Variants in DCP1A observed in about 807,000 individuals in gnomAD.
The protein encoded by DCP1A is mRNA-decapping enzyme 1A.
In DCP1A, 20 loss-of-function variants were observed where a neutral mutation model predicts 58.0. The observed-to-expected ratio is 0.34, with a 90% CI of 0.24 to 0.50. DCP1A has a LOEUF of 0.50. Ranked by LOEUF, DCP1A falls within the 20% of genes least tolerant of loss-of-function variation. DCP1A has a pLI of 0.98. For synonymous variants in DCP1A, 285 were observed against 275.1 expected (o/e 1.04, Z -0.36); for missense variants, 613 against 712.2 (o/e 0.86, Z 1.59).
intron 6 of DCP1A, among the ~76,000 whole-genome samples, chr3:53,301,305 CTT>C (rs1203567200): frequency 2.0e-5 from 3 of 151,280 alleles, no homozygotes; most frequent in African/African-American, 4.9e-5. Flanking sequence ...GGGTTTTGCT[CTT>C]GTTGCCCAGG....
At chr3:53,313,567 T>A (rs1273648297) in intron 4 of DCP1A, among the ~76,000 whole-genome samples, 4 of 152,188 alleles carry the variant, frequency 2.6e-5, no homozygotes, top group Non-Finnish European at 5.9e-5. Context: ...ATTTCCTATA[T>A]TTTTCTTCAA....
intron 5 of DCP1A, among the ~76,000 whole-genome samples, chr3:53,305,425 C>A (rs533326084): frequency 1.3e-5 from 2 of 151,782 alleles, no homozygotes; most frequent in Non-Finnish European, 2.9e-5. Flanking sequence ...TCTCAGCTTA[C>A]TGTGCTCTCT....
At chr3:53,330,496 T>C (rs2088968450) in intron 3 of DCP1A, among the ~76,000 whole-genome samples, 1 of 150,774 alleles carries the variant, frequency 6.6e-6, no homozygotes, top group Non-Finnish European at 1.5e-5. Flanking sequence ...CACTATAGCC[T>C]GGGCAACAGA....
intron 3 of DCP1A, among the ~76,000 whole-genome samples, chr3:53,320,126 TAAA>T (rs879969801): frequency 2.2e-5 from 3 of 139,044 alleles, no homozygotes; most frequent in African/African-American, 2.6e-5. Context: ...AGACTCCATC[TAAA>T]AAAAAAAAAA....
rs782380035 is a variant in DCP1A, at chr3:53,292,225, T to C, written c.1227A>G (p.Thr409=). 1 of 1,614,006 alleles carries C rather than the reference T, an allele frequency of 6.2e-7. No homozygotes were observed. Among genetic ancestry groups the C allele is most frequent in the African/African-American group, 1.3e-5 (1 of 75,032 alleles). The change falls in exon 7 of 10, where the codon ACA becomes ACG. Residue 409 remains threonine (T), a synonymous_variant. Coordinates refer to ENST00000610213, the MANE Select transcript of DCP1A (RefSeq NM_018403.7). ...CCATTGCACCTTTCCCAAGTGGTTG[T>C]GTCTGTATTTGGTCATGCTGTGGGG... ...RLTPQHDQIQ[T]QPLGKGAMVA...
rs1049509358 is a variant in DCP1A, at chr3:53,292,602, C to A, written c.850G>T (p.Val284Phe). ...ACCGGGGTGGTGATTTCAGGCTGGA[C>A]TGAATGGTGGGCAGCAGAAGGGACA... ...LGVPSAAHHS[V>F]QPEITTPVLI... Residue 284 changes from valine (V) to phenylalanine (F), a missense_variant, in exon 7 of 10, where the codon GTC (valine) becomes TTC (phenylalanine). Val to Phe is a conservative substitution (Grantham distance 50, BLOSUM62 -1). Coordinates refer to ENST00000610213, the MANE Select transcript of DCP1A (RefSeq NM_018403.7). 1.9e-6 allele frequency: 3 copies of A among 1,613,802 alleles called. No individual in the cohort carries two copies. Among genetic ancestry groups the A allele is most frequent in the African/African-American group, 1.3e-5 (1 of 75,010 alleles).
intron 3 of DCP1A, among the ~76,000 whole-genome samples, chr3:53,326,936 T>C (rs1708121429): frequency 6.6e-6 from 1 of 151,474 alleles, no homozygotes; most frequent in Non-Finnish European, 1.5e-5. Context: ...GGAATGCTGG[T>C]GTAAATGATT....
chr3:53,311,128 T>C (rs11920772), intron 5 of DCP1A, among the ~76,000 whole-genome samples: 6,638 of 152,270 alleles, frequency 0.044, 481 homozygotes, highest in African/African-American at 0.15. Flanking sequence ...TTTTGCCAAT[T>C]TGAAGCTTTT....
rs960536232 is a variant in DCP1A, at chr3:53,285,823, C to T, written c.*1757G>A. ...ACACCATCTCCCGGTGTCAGCAACA[C>T]TCTGTATCCCACTATAGCTTTCTCG... On this transcript the variant is annotated 3_prime_UTR_variant, in exon 10 of 10. Coordinates refer to ENST00000610213, the MANE Select transcript of DCP1A (RefSeq NM_018403.7). The T allele has an allele frequency of 2.0e-5, 3 of 152,172 alleles. No individual in the cohort carries two copies. In the South Asian group the frequency reaches 6.2e-4, roughly 32 times the overall value. 9.4% of individuals were successfully genotyped at this position (152,172 alleles called of 1,614,324 possible).
intron 3 of DCP1A, among the ~76,000 whole-genome samples, chr3:53,340,952 T>G (rs2089192891): frequency 6.6e-6 from 1 of 152,294 alleles, no homozygotes; most frequent in East Asian, 1.9e-4. Flanking sequence ...GAGTCTCAGT[T>G]GACTTAACTG....
At chr3:53,327,912 C>A (rs1317418098) in intron 3 of DCP1A, among the ~76,000 whole-genome samples, 2 of 151,694 alleles carry the variant, frequency 1.3e-5, no homozygotes, top group African/African-American at 2.4e-5. Context: ...CACCTGAAGT[C>A]AGGAGTTCAA....
At chr3:53,288,518 C>T (rs868967055) in intron 8 of DCP1A, among the ~76,000 whole-genome samples, 7 of 152,140 alleles carry the variant, frequency 4.6e-5, no homozygotes, top group Admixed American at 1.3e-4. Flanking sequence ...AGAATCATTA[C>T]GGGAAGCCAA....
chr3:53,312,749 C>G (rs1459450589), intron 4 of DCP1A, among the ~76,000 whole-genome samples: 1 of 152,102 alleles, frequency 6.6e-6, no homozygotes, highest in Non-Finnish European at 1.5e-5. Flanking sequence ...CCTAGGCCTC[C>G]CCAAGTGCTG....
intron 2 of DCP1A, 76 bp downstream of exon 2, chr3:53,344,826 T>G (rs781789343): frequency 8.8e-7 from 1 of 1,131,780 alleles, no homozygotes; most frequent in South Asian, 1.3e-5. Flanking sequence ...AAGACAAATG[T>G]ACAAGAGAAT....
At position 53,342,327 on chromosome 3, in the gene DCP1A, G is replaced by A. The variant is rs2089220703; in HGVS notation, c.177-56C>T. The A allele has an allele frequency of 8.0e-6, 10 of 1,255,392 alleles. No homozygotes were observed. In the South Asian group the frequency reaches 9.3e-5, roughly 12 times the overall value. The allele number at this position is 1,255,392 out of a possible 1,614,324, so 77.8% of individuals were successfully genotyped here. On this transcript the variant is annotated intron_variant, in intron 2 of 9. Coordinates refer to ENST00000610213, the MANE Select transcript of DCP1A (RefSeq NM_018403.7). Reference sequence around the variant, plus strand: ...TAGTTACCATTTAATCTGTAGAAATGTTATCTACTATGTACTTTATTTTCA... The same window carrying A: ...TAGTTACCATTTAATCTGTAGAAATATTATCTACTATGTACTTTATTTTCA...
chr3:53,331,748 C>A (rs954694361), intron 3 of DCP1A, among the ~76,000 whole-genome samples: 1 of 152,142 alleles, frequency 6.6e-6, no homozygotes, highest in African/African-American at 2.4e-5. Flanking sequence ...ATTCTTGGGG[C>A]ATTTTGTAAT....
intron 4 of DCP1A, among the ~76,000 whole-genome samples, chr3:53,316,595 CCTTTT>C (rs1468247106): frequency 1.8e-5 from 2 of 112,780 alleles, no homozygotes; most frequent in Admixed American, 1.1e-4. Flanking sequence ...TTTCTTCTTC[CCTTTT>C]TTTTTTTTTT....
intron 7 of DCP1A, among the ~76,000 whole-genome samples, chr3:53,291,182 A>G: frequency 8.9e-6 from 1 of 112,062 alleles, no homozygotes; most frequent in Non-Finnish European, 2.2e-5. Flanking sequence ...ACAGCCCAGG[A>G]ATATATATAA....
intron 3 of DCP1A, chr3:53,338,050 C>A: frequency 2.8e-6 from 1 of 355,794 alleles, no homozygotes; most frequent in South Asian, 2.0e-5. Flanking sequence ...CCTTGAAGCC[C>A]GAAAGACCTA....
Sources: gnomAD v4.1 joint callset for allele counts (sites outside exome capture counted in the v4.1 genomes callset) on GRCh38, gnomAD v4.1.1 for gene constraint, MANE v1.5 for transcripts, NCBI Gene and HGNC (gene_info 2026-07-23, HGNC 2026-07-21) for gene names.